Variants in THSD7B observed in about 807,000 individuals in gnomAD.
The protein encoded by THSD7B is thrombospondin type 1 domain containing 7B, also known as thrombospondin type-1 domain-containing protein 7B.
Under a neutral mutation model 213.6 loss-of-function variants are expected in THSD7B, and 138 were observed. That is an observed-to-expected ratio of 0.65 (90% confidence interval 0.56 to 0.74). The LOEUF (loss-of-function observed/expected upper bound fraction) is 0.74. Ranked by LOEUF, THSD7B falls within the 30% of genes least tolerant of loss-of-function variation. The probability of loss-of-function intolerance (pLI) is 0.00; values close to 1 mark genes in which losing one functional copy is unlikely to be tolerated. For missense variants in THSD7B, 1,931 were observed against 1,991.5 expected (o/e 0.97, Z 0.58); for synonymous variants, 742 against 687.0 (o/e 1.08, Z -1.25).
chr2:137,324,435 T>C (rs995628153), intron 12 of THSD7B, among the ~76,000 whole-genome samples: 11 of 150,452 alleles, frequency 7.3e-5, no homozygotes, highest in African/African-American at 1.7e-4. Context: ...CATTCATGTT[T>C]ATTTCATTCA....
intron 2 of THSD7B, among the ~76,000 whole-genome samples, chr2:136,950,192 C>A (rs1377586153): frequency 6.6e-6 from 1 of 152,076 alleles, no homozygotes; most frequent in East Asian, 1.9e-4. Context: ...GCGGAGGTTG[C>A]AGTGAGCCGA....
At chr2:137,378,539 A>G (rs1248998499) in intron 12 of THSD7B, among the ~76,000 whole-genome samples, 3 of 152,196 alleles carry the variant, frequency 2.0e-5, no homozygotes, top group Non-Finnish European at 2.9e-5. Flanking sequence ...ATTGGGGTTC[A>G]AGACCACTTG....
At position 137,233,104 on chromosome 2, in the gene THSD7B, G is replaced by C; in HGVS notation, c.2121G>C (p.Lys707Asn). The change falls in exon 9 of 28, where the codon AAG becomes AAC. Residue 707 changes from lysine to asparagine, a missense_variant. Transcript: ENST00000409968. Reference sequence around the variant, plus strand: ...AGACTCGGAGAGTCTTCTGTGTCAAGAGTCACGTGGGACAAGTAATGACCA... The same window carrying C: ...AGACTCGGAGAGTCTTCTGTGTCAACAGTCACGTGGGACAAGTAATGACCA... ...GIQTRRVFCV[K>N]SHVGQVMTKR... 5 of 1,613,784 alleles carry C rather than the reference G, an allele frequency of 3.1e-6. No homozygotes were observed. The highest frequency in any genetic ancestry group is 3.4e-6 in the Non-Finnish European group (4 of 1,179,782).
At chr2:136,917,882 A>G (rs1474851788) in intron 2 of THSD7B, among the ~76,000 whole-genome samples, 1 of 152,234 alleles carries the variant, frequency 6.6e-6, no homozygotes, top group African/African-American at 2.4e-5. Flanking sequence ...AGTATCCAAA[A>G]GCTTAACATC....
At chr2:136,839,979 T>A (rs1315468958) in intron 1 of THSD7B, among the ~76,000 whole-genome samples, 1 of 152,142 alleles carries the variant, frequency 6.6e-6, no homozygotes, top group Non-Finnish European at 1.5e-5. Context: ...GGATATTAAG[T>A]TGGAATGACA....
At chr2:137,201,613 AAAAC>A (rs1451151525) in intron 7 of THSD7B, among the ~76,000 whole-genome samples, 11 of 152,182 alleles carry the variant, frequency 7.2e-5, no homozygotes, top group East Asian at 3.9e-4. Context: ...AAATAAACAA[AAAAC>A]AAACAAAACC....
chr2:137,583,665 T>G (rs1181504618), intron 17 of THSD7B, among the ~76,000 whole-genome samples: 1 of 152,192 alleles, frequency 6.6e-6, no homozygotes, highest in Non-Finnish European at 1.5e-5. Context: ...GTGGTATTAT[T>G]TCTGAGGGCT....
chr2:137,584,279 T>C (rs1681658962), intron 17 of THSD7B, among the ~76,000 whole-genome samples: 1 of 152,248 alleles, frequency 6.6e-6, no homozygotes, highest in Non-Finnish European at 1.5e-5. Flanking sequence ...TCATGTCATC[T>C]GCAAACAGGG....
At chr2:137,559,020 C>A (rs13392992) in intron 15 of THSD7B, among the ~76,000 whole-genome samples, 18 of 151,796 alleles carry the variant, frequency 1.2e-4, no homozygotes, top group Non-Finnish European at 8.8e-5. Context: ...ATGTGAAGGA[C>A]CTCTTCAAGG....
intron 3 of THSD7B, among the ~76,000 whole-genome samples, chr2:137,062,032 G>A (rs1195662804): frequency 2.0e-5 from 3 of 151,808 alleles, no homozygotes; most frequent in Non-Finnish European, 3.0e-5. Flanking sequence ...AACAGATTTA[G>A]GACTATTCGT....
chr2:137,548,291 G>T (rs1410971951), intron 15 of THSD7B, among the ~76,000 whole-genome samples: 1 of 151,946 alleles, frequency 6.6e-6, no homozygotes, highest in Non-Finnish European at 1.5e-5. Context: ...ATCCCAAAAA[G>T]TAGCAGTGAT....
intron 2 of THSD7B, among the ~76,000 whole-genome samples, chr2:137,038,314 A>G (rs755079639): frequency 2.6e-5 from 4 of 152,150 alleles, no homozygotes; most frequent in Non-Finnish European, 4.4e-5. Flanking sequence ...ACCACAGAGA[A>G]GGGGTTGAAA....
chr2:137,496,486 T>G (rs1475217182), intron 15 of THSD7B, among the ~76,000 whole-genome samples: 1 of 152,178 alleles, frequency 6.6e-6, no homozygotes, highest in African/African-American at 2.4e-5. Context: ...TTTGTGTGCA[T>G]TTTTTTAGAC....
intron 1 of THSD7B, among the ~76,000 whole-genome samples, chr2:136,824,357 A>T (rs571846219): frequency 6.6e-6 from 1 of 152,056 alleles, no homozygotes; most frequent in East Asian, 1.9e-4. Context: ...AGATATATAT[A>T]TATAAGCTCC....
chr2:137,457,876 A>G (rs1358982403), intron 15 of THSD7B, among the ~76,000 whole-genome samples: 3 of 152,160 alleles, frequency 2.0e-5, no homozygotes, highest in Non-Finnish European at 4.4e-5. Context: ...TCTCAACATA[A>G]TCTCCATCCA....
At chr2:137,276,176 T>C in intron 12 of THSD7B, 150 bp downstream of exon 12, 1 of 660,502 alleles carries the variant, frequency 1.5e-6, no homozygotes, top group South Asian at 2.2e-5. Context: ...AAATAGGATT[T>C]GGCATAGTTA....
rs149152652 is a variant in THSD7B at position 137,447,563 on chromosome 2, G to A, written c.2960-3282G>A. 6.6e-5 allele frequency among the ~76,000 whole-genome samples: 10 copies of A among 152,078 alleles called. No individual in the cohort carries two copies. The East Asian group carries it at 1.7e-3, about 26-fold the overall frequency. Reference sequence around the variant, plus strand: ...TTACTGTGTATCTAATAGTGAATTAGTAATCAAAACTCCTTAGAAATGACT... The same window carrying A: ...TTACTGTGTATCTAATAGTGAATTAATAATCAAAACTCCTTAGAAATGACT... On this transcript the variant is annotated intron_variant, in intron 14 of 27. Transcript: ENST00000409968.
chr2:137,453,326 CTTTTTT>C (rs70978223), intron 15 of THSD7B, among the ~76,000 whole-genome samples: 3 of 96,844 alleles, frequency 3.1e-5, no homozygotes, highest in African/African-American at 8.6e-5. Context: ...TTGAAATTTA[CTTTTTT>C]TTTTTTTTTT....
intron 12 of THSD7B, among the ~76,000 whole-genome samples, chr2:137,398,423 G>T (rs1686253822): frequency 1.3e-5 from 2 of 151,042 alleles, no homozygotes; most frequent in Non-Finnish European, 3.0e-5. Context: ...ATACCCTGCT[G>T]TGTGAGGTGT....
Sources: allele counts gnomAD v4.1 joint callset (sites outside exome capture counted in the v4.1 genomes callset), GRCh38; gene constraint gnomAD v4.1.1; transcripts MANE v1.5; gene names NCBI Gene and HGNC (gene_info 2026-07-23, HGNC 2026-07-21).